ZNF721: variants seen among roughly 807,000 people sequenced by gnomAD.
The protein encoded by ZNF721 is zinc finger protein 721.
ZNF721 carries 2 observed loss-of-function variants against 2.4 expected under a neutral mutation model. The ratio of observed to expected loss-of-function variants is 0.82; its 90% confidence interval spans 0.34 to 2.58. The LOEUF is 2.58. ZNF721 is among the 30% of genes most tolerant of loss of function. The pLI is 0.11. For synonymous variants in ZNF721, 398 were observed against 381.8 expected, an observed-to-expected ratio of 1.04 and a Z score of -0.50; for missense variants, 1,187 against 1,085.5, an observed-to-expected ratio of 1.09 and a Z score of -1.31.
chr4:445,909 G>T (rs1260714940), intron 2 of ZNF721, among the ~76,000 whole-genome samples: 1 of 152,078 alleles, frequency 6.6e-6, no homozygotes, highest in Admixed American at 6.5e-5. Flanking sequence ...GATTACCAGT[G>T]AATCTGTCAA....
rs368829120 is a variant in ZNF721, at chr4:441,869, T to G, written c.2598A>C (p.Thr866=). The part of the protein sequence containing the change: ...RRIHTGEKPY[T]CGECGKTFRQ... Reference sequence around the variant, plus strand: ...TAAAGGTTTTGCCACATTCTCCACATGTGTAGGGTTTCTCTCCAGTATGAA... The same window carrying G: ...TAAAGGTTTTGCCACATTCTCCACAGGTGTAGGGTTTCTCTCCAGTATGAA... Residue 866 remains threonine (T), a synonymous_variant, in exon 3 of 3, where the codon ACA becomes ACC. Coordinates refer to ENST00000511833, the MANE Select transcript of ZNF721 (RefSeq NM_133474.4). 4.0e-5 allele frequency: 65 copies of G among 1,613,458 alleles called. No homozygotes were observed. The highest frequency in any genetic ancestry group is 5.1e-5 in the Non-Finnish European group (60 of 1,179,822).
At chr4:473,824 G>C (rs995821044) in intron 1 of ZNF721, among the ~76,000 whole-genome samples, 5 of 152,202 alleles carry the variant, frequency 3.3e-5, no homozygotes, top group Non-Finnish European at 7.3e-5. Flanking sequence ...CGGGGACCCC[G>C]ACAGGAGCGC....
Position 446,161 on chromosome 4 carries a change from C to T in ZNF721, c.35-1729G>A, listed in dbSNP as rs114525468. ...TGCAAGAAAACCAAACATAATCATA[C>T]GAAAATATGTAACTTTCTGAAAAAG... On this transcript the variant is annotated intron_variant, in intron 2 of 2. Transcript: ENST00000511833. 8.8e-3 allele frequency among the ~76,000 whole-genome samples: 1,333 copies of T among 152,134 alleles called. 5 individuals carry two copies. Among genetic ancestry groups the T allele is most frequent in the Non-Finnish European group, 0.013 (861 of 67,980 alleles).
chr4:457,019 TTAAC>T (rs1206246796), intron 2 of ZNF721, among the ~76,000 whole-genome samples: 1 of 152,182 alleles, frequency 6.6e-6, no homozygotes, highest in South Asian at 2.1e-4. Flanking sequence ...AAACAATCCT[TTAAC>T]TACAGTTTTC....
At position 456,236 on chromosome 4, in the gene ZNF721, A is replaced by G. The variant is rs575134554; in HGVS notation, c.35-11804T>C. On this transcript the variant is annotated intron_variant, in intron 2 of 2. Transcript: ENST00000511833. ...CAGGCATGCGCCACCACACCTGGCT[A>G]ATTTTCTATTTTTAGTGGAGACAGG... Among the ~76,000 whole-genome samples, 84 of 152,038 alleles carry G rather than the reference A, an allele frequency of 5.5e-4. 1 individual carries two copies. The South Asian group carries it at 0.016, about 30-fold the overall frequency.
Position 443,172 on chromosome 4 carries a change from AG to A in ZNF721, c.1294del (p.Leu432Ter). On this transcript the variant is annotated frameshift_variant, in exon 3 of 3. Coordinates refer to ENST00000511833, the MANE Select transcript of ZNF721 (RefSeq NM_133474.4). LOFTEE classifies it low-confidence loss of function (END_TRUNC). ...RGRAFGLSTNLNEYKKIHTGD... is the reference protein window; with the variant it reads ...RGRAFGLSTNXNEYKKIHTGD... ...AGTATGAATTTTCTTATATTCATTC[AG>A]GTTTGTGGACAATCCAAAGGCTCTG... 1 of 1,613,814 alleles carries A rather than the reference AG, an allele frequency of 6.2e-7. No homozygotes were observed. The highest frequency in any genetic ancestry group is 8.5e-7 in the Non-Finnish European group (1 of 1,179,864).
intron 2 of ZNF721, among the ~76,000 whole-genome samples, chr4:463,510 T>C (rs1431924838): frequency 2.0e-5 from 3 of 152,336 alleles, no homozygotes; most frequent in Admixed American, 6.5e-5. Context: ...CCAACCCAAA[T>C]GCCCATCAAT....
At chr4:470,476 G>A (rs1715397103) in intron 2 of ZNF721, among the ~76,000 whole-genome samples, 1 of 152,134 alleles carries the variant, frequency 6.6e-6, no homozygotes, top group African/African-American at 2.4e-5. Context: ...AATTTTGGGA[G>A]AACAAGGCGG....
chr4:470,359 G>C (rs1418839000), intron 2 of ZNF721, among the ~76,000 whole-genome samples: 7 of 152,156 alleles, frequency 4.6e-5, no homozygotes, highest in Non-Finnish European at 1.5e-5. Context: ...ATACAAACAA[G>C]TGGGATTGTA....
Position 440,658 on chromosome 4 carries a change from GTTTCT to G in ZNF721, c.*1032_*1036del, listed in dbSNP as rs1405025673. The G allele has an allele frequency of 2.6e-5, 4 of 152,060 alleles. No individual in the cohort carries two copies. In the East Asian group the frequency reaches 7.7e-4, roughly 29 times the overall value. The allele number at this position is 152,060 out of a possible 1,614,324, so 9.4% of individuals were successfully genotyped here. On this transcript the variant is annotated 3_prime_UTR_variant, in exon 3 of 3. Transcript: ENST00000511833. The stretch of plus-strand genomic sequence containing the variant: ...TATATTCTAGTAAAAATTCTCTGGT[GTTTCT>G]TTTCTTTTTATCTTGTTTTGAGACA...
chr4:448,379 T>A (rs559642191), intron 2 of ZNF721, among the ~76,000 whole-genome samples: 153 of 149,434 alleles, frequency 1.0e-3, no homozygotes, highest in African/African-American at 3.6e-3. Flanking sequence ...GAGCTTGCAG[T>A]AAGCTGAGAT....
intron 2 of ZNF721, among the ~76,000 whole-genome samples, chr4:457,127 A>G (rs1714872647): frequency 6.6e-6 from 1 of 152,244 alleles, no homozygotes; most frequent in South Asian, 2.1e-4. Context: ...AATAAGAATG[A>G]AGCATTTCAA....
chr4:450,548 T>C (rs1344663733), intron 2 of ZNF721, among the ~76,000 whole-genome samples: 1 of 151,964 alleles, frequency 6.6e-6, no homozygotes, highest in African/African-American at 2.4e-5. Flanking sequence ...GGAAAAAAAA[T>C]ATGGACATAC....
At chr4:473,926 C>T in intron 1 of ZNF721, 1 of 1,496,164 alleles carries the variant, frequency 6.7e-7, no homozygotes, top group Non-Finnish European at 9.0e-7. Context: ...CGCCATTTGC[C>T]GCCGGTTCTG....
chr4:474,117 C>T (rs1553868206), intron 1 of ZNF721: 1 of 1,125,370 alleles, frequency 8.9e-7, no homozygotes, highest in African/African-American at 1.6e-5. Context: ...GAAGTGAGGC[C>T]CTAACCGAGC....
chr4:478,247 C>A (rs572071783), intron 1 of ZNF721, among the ~76,000 whole-genome samples: 8 of 152,268 alleles, frequency 5.3e-5, no homozygotes, highest in African/African-American at 1.9e-4. Flanking sequence ...GTTCCTCCTC[C>A]CTCAGCTCTT....
intron 1 of ZNF721, among the ~76,000 whole-genome samples, chr4:473,477 G>T (rs1553868076): frequency 6.6e-6 from 1 of 152,284 alleles, no homozygotes; most frequent in South Asian, 2.1e-4. Flanking sequence ...GAAAGTTGGG[G>T]CGGGCTGGTG....
rs1553863219 is a variant in ZNF721, at chr4:442,012, T to C, written c.2455A>G (p.Thr819Ala). The change falls in exon 3 of 3, where the codon ACT becomes GCT. Residue 819 changes from threonine to alanine, a missense_variant. Thr to Ala is a moderately conservative substitution (Grantham distance 58, BLOSUM62 0). Transcript: ENST00000511833. ...FKCLECGKAFTSSTTLTKHRR... is the reference protein window; with the variant it reads ...FKCLECGKAFASSTTLTKHRR... ...TGTTTAGTAAGGGTTGTGGAACTAG[T>C]AAACGCTTTACCACATTCTAAACAT... 4 of 1,613,966 alleles carry C rather than the reference T, an allele frequency of 2.5e-6. No individual in the cohort carries two copies. The Admixed American group carries it at 6.7e-5, about 27-fold the overall frequency.
At chr4:486,089 T>C (rs1475159336) in intron 1 of ZNF721, among the ~76,000 whole-genome samples, 2 of 152,076 alleles carry the variant, frequency 1.3e-5, no homozygotes, top group African/African-American at 2.4e-5. Flanking sequence ...TATTCTAATA[T>C]GCATCCAAGG....
Sources: gnomAD v4.1 joint callset for allele counts (sites outside exome capture counted in the v4.1 genomes callset) on GRCh38, gnomAD v4.1.1 for gene constraint, MANE v1.5 for transcripts, NCBI Gene and HGNC (gene_info 2026-07-23, HGNC 2026-07-21) for gene names.